Variants in TAFA2 observed in about 807,000 individuals in gnomAD.
TAFA2 encodes the protein TAFA chemokine like family member 2.
A neutral mutation model predicts 18.8 loss-of-function variants in TAFA2; 7 were observed. That is an observed-to-expected ratio of 0.37 (90% CI 0.21 to 0.70). TAFA2 has a LOEUF of 0.70. Among genes scored for constraint, TAFA2 ranks in the 30% least tolerant of loss-of-function variants. The pLI is 0.53. For synonymous variants in TAFA2, 60 were observed against 54.2 expected (o/e 1.11, Z -0.47); for missense variants, 122 against 158.1 (o/e 0.77, Z 1.23).
intron 1 of TAFA2, among the ~76,000 whole-genome samples, chr12:62,228,704 TTCA>T (rs1300101094): frequency 1.3e-5 from 2 of 152,202 alleles, no homozygotes; most frequent in Non-Finnish European, 2.9e-5. Flanking sequence ...TTTTTGGTTA[TTCA>T]GGATCATTTG....
At chr12:61,890,602 A>G (rs969234063) in intron 1 of TAFA2, among the ~76,000 whole-genome samples, 8 of 152,228 alleles carry the variant, frequency 5.3e-5, no homozygotes, top group African/African-American at 1.9e-4. Flanking sequence ...TTAATAGTAG[A>G]ACAAATAAGT....
At chr12:62,079,534 T>C (rs573857287) in intron 1 of TAFA2, among the ~76,000 whole-genome samples, 1 of 151,452 alleles carries the variant, frequency 6.6e-6, no homozygotes, top group Non-Finnish European at 1.5e-5. Context: ...CATAGTGGCA[T>C]GTGCCTGTAC....
chr12:61,820,189 G>A (rs920042752), intron 2 of TAFA2, among the ~76,000 whole-genome samples: 1 of 152,038 alleles, frequency 6.6e-6, no homozygotes, highest in African/African-American at 2.4e-5. Flanking sequence ...TGGTGATGTA[G>A]TGATGGTGAA....
chr12:62,013,903 C>T (rs929943078), intron 1 of TAFA2, among the ~76,000 whole-genome samples: 1 of 152,146 alleles, frequency 6.6e-6, no homozygotes, highest in Non-Finnish European at 1.5e-5. Flanking sequence ...CAGGTTCTAT[C>T]TTACAAAGTC....
chr12:62,168,561 G>T (rs1383431688), intron 1 of TAFA2, among the ~76,000 whole-genome samples: 1 of 152,190 alleles, frequency 6.6e-6, no homozygotes, highest in African/African-American at 2.4e-5. Context: ...AAGGCCAGGT[G>T]TCATGACTCA....
intron 1 of TAFA2, among the ~76,000 whole-genome samples, chr12:62,127,450 T>C (rs1870510156): frequency 6.6e-6 from 1 of 152,086 alleles, no homozygotes; most frequent in Non-Finnish European, 1.5e-5. Flanking sequence ...CAGTATTGAA[T>C]TGCTATCTTT....
intron 1 of TAFA2, among the ~76,000 whole-genome samples, chr12:62,087,783 A>G (rs1868518103): frequency 6.6e-6 from 1 of 152,136 alleles, no homozygotes; most frequent in Non-Finnish European, 1.5e-5. Flanking sequence ...ATGAATCATA[A>G]GAGGGCAAGA....
chr12:61,776,652 C>A (rs1870275116), intron 2 of TAFA2, among the ~76,000 whole-genome samples: 1 of 151,766 alleles, frequency 6.6e-6, no homozygotes, highest in Admixed American at 6.6e-5. Flanking sequence ...AAAGTGGCCT[C>A]ATTTAGTTTT....
chr12:61,879,929 G>GCA, intron 1 of TAFA2: 1 of 897,078 alleles, frequency 1.1e-6, no homozygotes, highest in Non-Finnish European at 1.9e-6. Context: ...TGTGGATGAA[G>GCA]CTTACAAGAA....
intron 1 of TAFA2, among the ~76,000 whole-genome samples, chr12:62,095,310 AG>A (rs1389702374): frequency 6.6e-6 from 1 of 152,106 alleles, no homozygotes; most frequent in Admixed American, 6.6e-5. Context: ...TAATGTCTTA[AG>A]GGATAGACAG....
intron 2 of TAFA2, among the ~76,000 whole-genome samples, chr12:61,827,870 T>C (rs1872582419): frequency 6.6e-6 from 1 of 152,026 alleles, no homozygotes. Context: ...ATCCTCCATG[T>C]GTTCAAAAAA....
At chr12:62,016,781 C>T (rs1461027664) in intron 1 of TAFA2, among the ~76,000 whole-genome samples, 1 of 123,692 alleles carries the variant, frequency 8.1e-6, no homozygotes, top group Non-Finnish European at 1.9e-5. Context: ...ATTGTGTGTA[C>T]AGGGTACCAG....
chr12:61,921,600 G>T (rs977892044), intron 1 of TAFA2, among the ~76,000 whole-genome samples: 3 of 152,018 alleles, frequency 2.0e-5, no homozygotes, highest in Admixed American at 1.3e-4. Context: ...TGTGCAGTGG[G>T]ATCAAGATTT....
At chr12:62,249,935 T>G (rs1018663668) in intron 1 of TAFA2, among the ~76,000 whole-genome samples, 7 of 152,174 alleles carry the variant, frequency 4.6e-5, no homozygotes, top group South Asian at 2.1e-4. Context: ...TTCACTTTTT[T>G]GGGGGGCCTA....
chr12:61,835,283 C>CTA (rs1373367420), intron 2 of TAFA2, among the ~76,000 whole-genome samples: 2 of 151,928 alleles, frequency 1.3e-5, no homozygotes, highest in African/African-American at 2.4e-5. Context: ...TGGGATAATG[C>CTA]TATAGATAAT....
chr12:61,780,037 G>A (rs1346727528), intron 2 of TAFA2, among the ~76,000 whole-genome samples: 1 of 151,722 alleles, frequency 6.6e-6, no homozygotes, highest in African/African-American at 2.4e-5. Context: ...GATAACAAGA[G>A]TTATAATATT....
intron 1 of TAFA2, among the ~76,000 whole-genome samples, chr12:61,950,535 T>C (rs1262270397): frequency 6.6e-6 from 1 of 152,174 alleles, no homozygotes; most frequent in Non-Finnish European, 1.5e-5. Context: ...TTTTTTCATA[T>C]GCTCATTGGC....
intron 1 of TAFA2, among the ~76,000 whole-genome samples, chr12:61,902,493 T>C (rs1876149414): frequency 6.6e-6 from 1 of 152,138 alleles, no homozygotes; most frequent in Non-Finnish European, 1.5e-5. Context: ...TTTCCTCTCT[T>C]CTGGGAGTGA....
chr12:62,200,040 CAT>C (rs1344437533), intron 1 of TAFA2, among the ~76,000 whole-genome samples: 1 of 152,082 alleles, frequency 6.6e-6, no homozygotes, highest in African/African-American at 2.4e-5. Flanking sequence ...TTGTTAGTTG[CAT>C]ATATGTCTTC....
Sources: allele counts gnomAD v4.1 joint callset (sites outside exome capture counted in the v4.1 genomes callset), GRCh38; gene constraint gnomAD v4.1.1; transcripts MANE v1.5; gene names NCBI Gene and HGNC (gene_info 2026-07-23, HGNC 2026-07-21).